AMMECR1: variants seen among roughly 807,000 people sequenced by gnomAD.
AMMECR1 encodes the protein nuclear protein AMMECR1.
A neutral mutation model predicts 22.5 loss-of-function variants in AMMECR1; 3 were observed. The ratio of observed to expected loss-of-function variants is 0.13; its 90% CI spans 0.06 to 0.35. AMMECR1 has a LOEUF of 0.35. AMMECR1 is among the 10% of genes least tolerant of loss of function. The pLI is 1.00. For missense variants in AMMECR1, 235 were observed against 278.7 expected (o/e 0.84, Z 1.12); for synonymous variants, 130 against 116.7 (o/e 1.11, Z -0.74).
intron 1 of AMMECR1, among the ~76,000 whole-genome samples, chrX:110,313,115 G>A (rs991950375): frequency 1.8e-5 from 2 of 111,899 alleles, no homozygotes; most frequent in African/African-American, 6.5e-5. Context: ...GAAACAAAAT[G>A]CCTACTCCCC....
chrX:110,259,165 C>G (rs2067725666), intron 2 of AMMECR1, among the ~76,000 whole-genome samples: 1 of 111,242 alleles, frequency 9.0e-6, no homozygotes, highest in Non-Finnish European at 1.9e-5. Flanking sequence ...ATCAATCCCC[C>G]CTCAAACTCC....
intron 1 of AMMECR1, among the ~76,000 whole-genome samples, chrX:110,428,607 C>G (rs893727458): frequency 9.0e-6 from 1 of 111,358 alleles, no homozygotes; most frequent in Non-Finnish European, 1.9e-5. Flanking sequence ...CACTCCCCCC[C>G]TCTCCAAGAT....
At chrX:110,219,242 G>A (rs868223272) in intron 2 of AMMECR1, 6 of 408,701 alleles carry the variant, frequency 1.5e-5, no homozygotes, top group East Asian at 2.0e-4. Flanking sequence ...ATGGCTGCAC[G>A]ATTCTACTTT....
At chrX:110,278,561 T>C (rs2067837434) in intron 1 of AMMECR1, among the ~76,000 whole-genome samples, 1 of 112,078 alleles carries the variant, frequency 8.9e-6, no homozygotes, top group Non-Finnish European at 1.9e-5. Context: ...TATAACTGCC[T>C]ACTTCAAAGC....
At chrX:110,232,332 C>T (rs749214631) in intron 2 of AMMECR1, among the ~76,000 whole-genome samples, 1 of 112,162 alleles carries the variant, frequency 8.9e-6, no homozygotes, top group Non-Finnish European at 1.9e-5. Context: ...GACCACAGTG[C>T]AATCAAACTA....
intron 1 of AMMECR1, among the ~76,000 whole-genome samples, chrX:110,278,856 T>C (rs968123814): frequency 2.7e-5 from 3 of 111,949 alleles, no homozygotes; most frequent in African/African-American, 9.7e-5. Flanking sequence ...AACATGTTTA[T>C]CCCTAAAAGC....
At chrX:110,341,697 G>A (rs1328705227) in intron 2 of AMMECR1, among the ~76,000 whole-genome samples, 1 of 111,912 alleles carries the variant, frequency 8.9e-6, no homozygotes, top group Non-Finnish European at 1.9e-5. Flanking sequence ...TACTTTATAA[G>A]TTCCCCAGAC....
At chrX:110,354,629 A>T (rs1414761814) in intron 2 of AMMECR1, among the ~76,000 whole-genome samples, 1 of 112,221 alleles carries the variant, frequency 8.9e-6, no homozygotes, top group Non-Finnish European at 1.9e-5. Context: ...TCAAAACAGC[A>T]TGATACTTGC....
rs148957344 is a variant in AMMECR1 at position 110,387,543 on chromosome X, G to T, written c.-148+39115C>A. On this transcript the variant is annotated intron_variant, in intron 2 of 7. Transcript: ENST00000372057. ...AGAATCATAGTTCTTAGACTAAAAG[G>T]TATCTTAAGAGTGCATCTGTTTCTA... 9.7e-3 allele frequency among the ~76,000 whole-genome samples: 1,082 copies of T among 111,723 alleles called. 18 individuals are homozygous for T. Among genetic ancestry groups the T allele is most frequent in the African/African-American group, 0.034 (1,029 of 30,692 alleles).
rs768128297 is a variant in AMMECR1, at chrX:110,317,738, A to G, written c.334T>C (p.Ser112Pro). The G allele has an allele frequency of 1.7e-6, 2 of 1,195,537 alleles. No homozygotes were observed. Among genetic ancestry groups the G allele is most frequent in the Non-Finnish European group, 2.3e-6 (2 of 886,742 alleles). Residue 112 changes from serine (S) to proline (P), a missense_variant, in exon 1 of 6, where the codon TCC becomes CCC. Physicochemically the swap from Ser to Pro is moderately conservative, Grantham distance 74. Coordinates refer to ENST00000262844, the MANE Select transcript of AMMECR1 (RefSeq NM_015365.3). ...CCCGGCGATGAGGACGAGGCGGCGG[A>G]CGATGAGGAGGGTGAGGAAGAGGTG... ...AATSSSPSSS[S>P]AASSSSPGSR... is the part of the protein sequence containing the mutation.
intron 2 of AMMECR1, among the ~76,000 whole-genome samples, chrX:110,365,708 T>C (rs1264025471): frequency 8.9e-6 from 1 of 111,963 alleles, no homozygotes; most frequent in Non-Finnish European, 1.9e-5. Flanking sequence ...ATTTTCCTTC[T>C]TCCAGGCAAC....
intron 1 of AMMECR1, among the ~76,000 whole-genome samples, chrX:110,315,354 C>T (rs949665223): frequency 3.6e-5 from 4 of 111,860 alleles, no homozygotes; most frequent in African/African-American, 1.3e-4. Context: ...TTAGTGTCTA[C>T]TCTACATTAG....
In AMMECR1 at chrX:110,196,979, A is replaced by G. The variant is rs1364667554; in HGVS notation, c.*1541T>C. 8.9e-6 allele frequency: 1 copy of G among 112,298 alleles called. No individual in the cohort carries two copies. Among genetic ancestry groups the G allele is most frequent in the Admixed American group, 9.4e-5 (1 of 10,618 alleles). 9.3% of individuals were successfully genotyped at this position (112,298 alleles called of 1,213,427 possible). A position where few individuals can be genotyped will look rare whatever the true frequency, so the allele number is the denominator to read the frequency against. On this transcript the variant is annotated 3_prime_UTR_variant, in exon 6 of 6. Coordinates refer to ENST00000262844, the MANE Select transcript of AMMECR1 (RefSeq NM_015365.3). Reference sequence around the variant, plus strand: ...ACTTGATATGTTGGCTTCCTATTTGAAAAAATTATATATATTTTTCCAAAG... The same window carrying G: ...ACTTGATATGTTGGCTTCCTATTTGGAAAAATTATATATATTTTTCCAAAG...
chrX:110,313,805 T>G (rs1301546577), intron 1 of AMMECR1, among the ~76,000 whole-genome samples: 1 of 111,666 alleles, frequency 9.0e-6, no homozygotes, highest in Admixed American at 9.5e-5. Flanking sequence ...CTCAATCTCC[T>G]GGGTGCTAGG....
At position 110,392,664 on chromosome X, in the gene AMMECR1, T is replaced by C. The variant is rs1324232138; in HGVS notation, c.-148+33994A>G. Among the ~76,000 whole-genome samples, 3 of 111,621 alleles carry C rather than the reference T, an allele frequency of 2.7e-5. No homozygotes were observed. The Admixed American group carries it at 2.8e-4, about 11-fold the overall frequency. Reference sequence around the variant, plus strand: ...CACGCAAGAGTGCCTTTTGAGCCTGTGTTTGACAGGAAGTTTCTATTCAGA... The same window carrying C: ...CACGCAAGAGTGCCTTTTGAGCCTGCGTTTGACAGGAAGTTTCTATTCAGA... On this transcript the variant is annotated intron_variant, in intron 2 of 7. Coordinates refer to the AMMECR1 transcript ENST00000372057.
intron 2 of AMMECR1, among the ~76,000 whole-genome samples, chrX:110,220,720 A>G (rs2067495822): frequency 8.9e-6 from 1 of 111,804 alleles, no homozygotes; most frequent in African/African-American, 3.2e-5. Flanking sequence ...ATTCAATTCA[A>G]ATTGGCACCT....
intron 2 of AMMECR1, among the ~76,000 whole-genome samples, chrX:110,349,775 C>T (rs909338221): frequency 3.6e-5 from 4 of 111,682 alleles, no homozygotes; most frequent in Non-Finnish European, 5.6e-5. Context: ...GTTTTATCAT[C>T]TTAATTTTTC....
chrX:110,399,565 C>T (rs1272059100), intron 2 of AMMECR1, among the ~76,000 whole-genome samples: 4 of 112,329 alleles, frequency 3.6e-5, no homozygotes, highest in Non-Finnish European at 5.6e-5. Context: ...CTGATTTTTT[C>T]GGGCTGTCTC....
intron 2 of AMMECR1, among the ~76,000 whole-genome samples, chrX:110,332,877 A>G (rs1472248154): frequency 9.0e-6 from 1 of 111,577 alleles, no homozygotes; most frequent in Non-Finnish European, 1.9e-5. Flanking sequence ...ATGAGCATCA[A>G]GGACTACTTT....
Sources: gnomAD v4.1 joint callset for allele counts (sites outside exome capture counted in the v4.1 genomes callset) on GRCh38, gnomAD v4.1.1 for gene constraint, MANE v1.5 for transcripts, NCBI Gene and HGNC (gene_info 2026-07-23, HGNC 2026-07-21) for gene names.